The following TERF1 variants were observed in gnomAD, a reference collection of about 807,000 sequenced individuals.
TERF1 encodes telomeric repeat binding factor 1, also known as telomeric repeat-binding factor 1.
A neutral mutation model predicts 55.1 loss-of-function variants in TERF1; 20 were observed. The ratio of observed to expected loss-of-function variants is 0.36; its 90% CI spans 0.26 to 0.53. The LOEUF (loss-of-function observed/expected upper bound fraction) is 0.53. Among genes scored for constraint, TERF1 ranks in the 20% least tolerant of loss-of-function variants. TERF1 has a pLI of 0.91. For missense variants in TERF1, 439 were observed against 535.7 expected (o/e 0.82, Z 1.78); for synonymous variants, 168 against 181.2 (o/e 0.93, Z 0.59).
At chr8:73,038,216 A>G (rs950783383) in intron 8 of TERF1, among the ~76,000 whole-genome samples, 1 of 152,006 alleles carries the variant, frequency 6.6e-6, no homozygotes, top group Non-Finnish European at 1.5e-5. Context: ...TTGGGAGGCC[A>G]AGGCAGGAGG....
chr8:73,019,796 T>G (rs897980643), intron 2 of TERF1, among the ~76,000 whole-genome samples: 2 of 152,228 alleles, frequency 1.3e-5, no homozygotes, highest in African/African-American at 4.8e-5. Flanking sequence ...TCCTTCTGCT[T>G]CACATTACGC....
intron 7 of TERF1, chr8:73,031,765 G>A (rs1415782872): frequency 4.1e-6 from 1 of 243,512 alleles, no homozygotes; most frequent in African/African-American, 2.2e-5. Flanking sequence ...AAGGCCGAAA[G>A]AGTCTTGTCT....
Position 73,010,188 on chromosome 8 carries a change from T to G in TERF1, c.319+983T>G, listed in dbSNP as rs1207811587. ...GCTATTTAATAGAATTCTTAGACATTTTGACACATTTCATCTTCACCATAA... is the reference window on the plus strand; with the variant it reads ...GCTATTTAATAGAATTCTTAGACATGTTGACACATTTCATCTTCACCATAA... On this transcript the variant is annotated intron_variant, in intron 1 of 9. Transcript: ENST00000276603. The G allele has an allele frequency of 2.0e-5, 3 of 152,344 alleles. No homozygotes were observed. The East Asian group carries it at 5.8e-4, about 29-fold the overall frequency. 9.4% of individuals were successfully genotyped at this position (152,344 alleles called of 1,614,324 possible).
intron 5 of TERF1, among the ~76,000 whole-genome samples, chr8:73,025,254 T>C (rs993307542): frequency 6.6e-5 from 10 of 152,192 alleles, no homozygotes; most frequent in Non-Finnish European, 1.5e-4. Flanking sequence ...AAAGCAAATA[T>C]TTTAATTTAA....
intron 9 of TERF1, among the ~76,000 whole-genome samples, chr8:73,042,163 C>T (rs1182163820): frequency 6.6e-6 from 1 of 152,156 alleles, no homozygotes; most frequent in Non-Finnish European, 1.5e-5. Context: ...CCAGAAGTCT[C>T]TGTCTTATAC....
At chr8:73,037,312 T>TTACC (rs1037225932) in intron 8 of TERF1, among the ~76,000 whole-genome samples, 3 of 130,884 alleles carry the variant, frequency 2.3e-5, no homozygotes, top group African/African-American at 5.6e-5. Context: ...ACCTATCTAC[T>TTACC]TACCTACCTA....
At chr8:73,040,139 T>C (rs1423669774) in intron 9 of TERF1, among the ~76,000 whole-genome samples, 2 of 151,626 alleles carry the variant, frequency 1.3e-5, no homozygotes, top group African/African-American at 2.4e-5. Flanking sequence ...CCAGTGAACA[T>C]AGCAAGCAAC....
intron 9 of TERF1, among the ~76,000 whole-genome samples, chr8:73,042,525 G>A (rs904985760): frequency 6.6e-5 from 10 of 151,478 alleles, no homozygotes; most frequent in African/African-American, 2.4e-4. Context: ...TGCTGCATTG[G>A]TCTGTTAAAG....
intron 2 of TERF1, among the ~76,000 whole-genome samples, chr8:73,014,630 G>C (rs2929585): frequency 0.68 from 102,837 of 151,884 alleles, 35,545 homozygotes; most frequent in Middle Eastern, 0.77. Context: ...CTATTTGATG[G>C]AAATAATTTT....
chr8:73,045,596 C>T (rs1248264506), intron 9 of TERF1, among the ~76,000 whole-genome samples: 1 of 152,132 alleles, frequency 6.6e-6, no homozygotes, highest in Admixed American at 6.6e-5. Flanking sequence ...AACTACTAAA[C>T]ATTCACAAAG....
chr8:73,045,085 T>G (rs1809979802), intron 9 of TERF1, among the ~76,000 whole-genome samples: 2 of 152,118 alleles, frequency 1.3e-5, no homozygotes, highest in Non-Finnish European at 2.9e-5. Flanking sequence ...TTTAAAAAAT[T>G]TTTTGGGTAA....
In TERF1 at chr8:73,017,282, G is replaced by A. The variant is rs576960463; in HGVS notation, c.415+3292G>A. On this transcript the variant is annotated intron_variant, in intron 2 of 9. Coordinates refer to ENST00000276603, the MANE Select transcript of TERF1 (RefSeq NM_017489.3). ...ATGAAAAATGAGGAAGAAAAATTAG[G>A]CAGTCTACCTTTGCATTTTCATTTC... 1.6e-4 allele frequency among the ~76,000 whole-genome samples: 25 copies of A among 152,180 alleles called. 1 individual carries two copies. The South Asian group carries it at 4.0e-3, about 24-fold the overall frequency.
chr8:73,037,073 AT>A (rs1180086759), intron 8 of TERF1, among the ~76,000 whole-genome samples: 1 of 136,530 alleles, frequency 7.3e-6, no homozygotes, highest in African/African-American at 2.7e-5. Context: ...ATATATAATA[AT>A]TATACTACAT....
chr8:73,026,060 T>C (rs1184850676), intron 5 of TERF1, among the ~76,000 whole-genome samples: 1 of 144,792 alleles, frequency 6.9e-6, no homozygotes, highest in Non-Finnish European at 1.5e-5. Context: ...TAGCCAGACA[T>C]AGTGGCACAC....
rs1431725842 is a variant in TERF1 at position 73,022,228 on chromosome 8, T to G, written c.550T>G (p.Cys184Gly). 5.7e-6 allele frequency: 9 copies of G among 1,590,692 alleles called. No individual in the cohort carries two copies. The highest frequency in any genetic ancestry group is 1.4e-5 in the African/African-American group (1 of 73,348). Residue 184 changes from cysteine to glycine, a missense_variant, in exon 4 of 10, where the codon TGT becomes GGT. By Grantham distance (159) the Cys-to-Gly change is radical (BLOSUM62 -3). This residue lies in a region of TERF1 where 95 missense variants were observed against 167.2 expected (regional missense o/e 0.57). Transcript: ENST00000276603. ...TTTCATCTTTTAGGCTATAGCTGTT[T>G]GTATGGAAAATGGCAACTTTAAAGA... ...NLIKIQAIAV[C>G]MENGNFKEAE...
chr8:73,009,426 A>G (rs1808184288), intron 1 of TERF1: 1 of 571,332 alleles, frequency 1.8e-6, no homozygotes, highest in African/African-American at 1.9e-5. Context: ...TAAAATGAAA[A>G]TAAGACCCTG....
intron 2 of TERF1, among the ~76,000 whole-genome samples, chr8:73,016,721 G>A (rs1278514508): frequency 6.6e-6 from 1 of 152,098 alleles, no homozygotes; most frequent in South Asian, 2.1e-4. Flanking sequence ...CCTTTCCACT[G>A]CAGCCTATTG....
intron 7 of TERF1, chr8:73,030,664 A>G (rs1335932975): frequency 3.4e-6 from 1 of 291,440 alleles, no homozygotes; most frequent in Non-Finnish European, 6.3e-6. Flanking sequence ...ACAGATGTTT[A>G]GTAAACACTT....
At chr8:73,014,037 C>A in intron 2 of TERF1, 47 bp downstream of exon 2, 1 of 1,464,924 alleles carries the variant, frequency 6.8e-7, no homozygotes, top group South Asian at 1.2e-5. Context: ...CAATCTGTTT[C>A]TAATGTAAGA....
Sources: gnomAD v4.1 joint callset for allele counts (sites outside exome capture counted in the v4.1 genomes callset) on GRCh38, gnomAD v4.1.1 for gene constraint, gnomAD v4.1.1 regional missense constraint, MANE v1.5 for transcripts, NCBI Gene and HGNC (gene_info 2026-07-23, HGNC 2026-07-21) for gene names.